Variants in LRRTM4 observed in about 807,000 individuals in gnomAD.
LRRTM4 encodes leucine rich repeat transmembrane neuronal 4.
A neutral mutation model predicts 47.6 loss-of-function variants in LRRTM4; 25 were observed. That is an observed-to-expected ratio of 0.53 (90% CI 0.38 to 0.73). The LOEUF is 0.73. Ranked by LOEUF, LRRTM4 falls within the 30% of genes least tolerant of loss-of-function variation. LRRTM4 has a pLI of 0.00. For missense variants in LRRTM4, 638 were observed against 713.4 expected (o/e 0.89, Z 1.20); for synonymous variants, 311 against 269.5 (o/e 1.15, Z -1.51).
intron 3 of LRRTM4, among the ~76,000 whole-genome samples, chr2:77,390,003 T>C (rs1673434918): frequency 6.6e-6 from 1 of 152,108 alleles, no homozygotes; most frequent in African/African-American, 2.4e-5. Context: ...CTTAAAGGAA[T>C]ACTTGACCTT....
intron 3 of LRRTM4, among the ~76,000 whole-genome samples, chr2:77,457,976 T>C (rs1165392449): frequency 1.3e-5 from 2 of 152,130 alleles, no homozygotes; most frequent in South Asian, 2.1e-4. Context: ...GAAGTCAGGA[T>C]AGAAGCAGGG....
chr2:77,372,836 T>C (rs1176486240), intron 3 of LRRTM4, among the ~76,000 whole-genome samples: 2 of 151,412 alleles, frequency 1.3e-5, no homozygotes, highest in African/African-American at 4.8e-5. Flanking sequence ...AAGTTTAGCA[T>C]TGTGAGTTCA....
At chr2:77,476,722 T>C (rs1314564306) in intron 3 of LRRTM4, among the ~76,000 whole-genome samples, 1 of 152,120 alleles carries the variant, frequency 6.6e-6, no homozygotes, top group Non-Finnish European at 1.5e-5. Flanking sequence ...TTATTTATAG[T>C]AATGGACCGA....
At chr2:77,384,325 G>A (rs897539675) in intron 3 of LRRTM4, among the ~76,000 whole-genome samples, 2 of 151,626 alleles carry the variant, frequency 1.3e-5, no homozygotes, top group Admixed American at 6.6e-5. Context: ...TTGAATTTCA[G>A]TATTGATAAG....
intron 3 of LRRTM4, among the ~76,000 whole-genome samples, chr2:77,220,190 C>T (rs994419074): frequency 6.6e-6 from 1 of 151,994 alleles, no homozygotes; most frequent in Middle Eastern, 3.2e-3. Context: ...GACATCCACA[C>T]CAAAAACCCA....
intron 3 of LRRTM4, among the ~76,000 whole-genome samples, chr2:77,254,791 C>T (rs1675716019): frequency 6.7e-6 from 1 of 150,162 alleles, no homozygotes; most frequent in Non-Finnish European, 1.5e-5. Context: ...AGGAGATATA[C>T]TTAAAAACAC....
At chr2:76,945,535 AG>A (rs1416019191) in intron 3 of LRRTM4, among the ~76,000 whole-genome samples, 8 of 152,056 alleles carry the variant, frequency 5.3e-5, no homozygotes, top group Non-Finnish European at 7.4e-5. Context: ...AGCTTTCCAC[AG>A]AAAAAGAAGC....
At chr2:77,068,131 G>T (rs911541201) in intron 3 of LRRTM4, among the ~76,000 whole-genome samples, 5 of 152,048 alleles carry the variant, frequency 3.3e-5, no homozygotes, top group African/African-American at 1.2e-4. Flanking sequence ...ATAGAGACTG[G>T]TTTATTTGTG....
intron 3 of LRRTM4, among the ~76,000 whole-genome samples, chr2:77,199,657 T>C (rs1218372019): frequency 6.6e-6 from 1 of 152,152 alleles, no homozygotes; most frequent in Admixed American, 6.6e-5. Context: ...CTTCATAGTG[T>C]CTGTTCAGAT....
chr2:77,320,839 T>C (rs1009220385), intron 3 of LRRTM4, among the ~76,000 whole-genome samples: 7 of 152,048 alleles, frequency 4.6e-5, no homozygotes, highest in Non-Finnish European at 8.8e-5. Context: ...GGGAGTTATA[T>C]TACTCCAACT....
At chr2:77,420,599 G>C (rs1171908989) in intron 3 of LRRTM4, among the ~76,000 whole-genome samples, 1 of 151,124 alleles carries the variant, frequency 6.6e-6, no homozygotes, top group Admixed American at 6.6e-5. Context: ...AATGGAAATG[G>C]AAATATGACT....
intron 3 of LRRTM4, among the ~76,000 whole-genome samples, chr2:76,837,175 G>A (rs774660359): frequency 6.6e-6 from 1 of 152,116 alleles, no homozygotes. Context: ...TTGCATAGAG[G>A]TGTTTGTAGT....
At chr2:76,868,049 G>T (rs894954906) in intron 3 of LRRTM4, among the ~76,000 whole-genome samples, 1 of 152,122 alleles carries the variant, frequency 6.6e-6, no homozygotes, top group African/African-American at 2.4e-5. Flanking sequence ...GACATTTCCT[G>T]TTGACTCAGA....
At chr2:77,032,616 T>G (rs1046862580) in intron 3 of LRRTM4, among the ~76,000 whole-genome samples, 1 of 152,246 alleles carries the variant, frequency 6.6e-6, no homozygotes, top group African/African-American at 2.4e-5. Flanking sequence ...TTAATCCAGT[T>G]TTTCCTAAAA....
intron 3 of LRRTM4, among the ~76,000 whole-genome samples, chr2:76,757,193 G>A (rs1406421157): frequency 6.6e-6 from 1 of 151,894 alleles, no homozygotes; most frequent in Admixed American, 6.6e-5. Flanking sequence ...TACACTGATT[G>A]GACTATTGGG....
chr2:77,244,577 G>A (rs1194723886), intron 3 of LRRTM4, among the ~76,000 whole-genome samples: 1 of 151,926 alleles, frequency 6.6e-6, no homozygotes, highest in Non-Finnish European at 1.5e-5. Flanking sequence ...TAGCCCCCAA[G>A]TATGCCCTCC....
Position 77,429,687 on chromosome 2 carries a change from G to A in LRRTM4, c.1551+88631C>T, listed in dbSNP as rs141331184. Among the ~76,000 whole-genome samples the A allele has an allele frequency of 1.1e-3, 167 of 152,220 alleles. 1 individual carries two copies. The highest frequency in any genetic ancestry group is 3.7e-3 in the African/African-American group (152 of 41,550). On this transcript the variant is annotated intron_variant, in intron 3 of 3. Transcript: ENST00000409884. ...TCATAGAAGTAGAGAGTGGAATGGC[G>A]GTTATCAGGAGCTGGGACAGAAAGA... is the stretch of plus-strand genomic sequence containing the variant.
intron 3 of LRRTM4, among the ~76,000 whole-genome samples, chr2:77,478,266 T>C (rs12713913): frequency 0.34 from 51,032 of 152,110 alleles, 8,761 homozygotes; most frequent in Middle Eastern, 0.36. Context: ...TTTGTTGTTA[T>C]TACAAAACAT....
chr2:77,297,595 G>T (rs1677008583), intron 3 of LRRTM4, among the ~76,000 whole-genome samples: 3 of 152,088 alleles, frequency 2.0e-5, no homozygotes, highest in Non-Finnish European at 4.4e-5. Context: ...TTAAGTCTGG[G>T]TTGGTCTTTG....
Sources: gnomAD v4.1 joint callset for allele counts (sites outside exome capture counted in the v4.1 genomes callset) on GRCh38, gnomAD v4.1.1 for gene constraint, MANE v1.5 for transcripts, NCBI Gene and HGNC (gene_info 2026-07-23, HGNC 2026-07-21) for gene names.